Variants in PCDHA11 observed in about 807,000 individuals in gnomAD.
PCDHA11 encodes protocadherin alpha 11.
PCDHA11 carries 61 observed loss-of-function variants against 70.3 expected under a neutral mutation model. The ratio of observed to expected loss-of-function variants is 0.87; its 90% CI spans 0.71 to 1.07. The LOEUF is 1.07. Among genes scored for constraint, PCDHA11 ranks in the 50% least tolerant of loss-of-function variants. The pLI is 0.00. For synonymous variants in PCDHA11, 633 were observed against 555.1 expected, an observed-to-expected ratio of 1.14 and a Z score of -1.97; for missense variants, 1,324 against 1,237.5, an observed-to-expected ratio of 1.07 and a Z score of -1.05.
Position 141,009,940 on chromosome 5 carries a change from T to G in PCDHA11, c.*3T>G, listed in dbSNP as rs782531781. ...CGACTGACAACAGTGACCAGTGAGG[T>G]CCTCAAATGGAAACAAGCCACTTAG... On this transcript the variant is annotated 3_prime_UTR_variant, in exon 4 of 4. Transcript: ENST00000398640. 7 of 1,598,042 alleles carry G rather than the reference T, an allele frequency of 4.4e-6. No homozygotes were observed. The highest frequency in any genetic ancestry group is 4.3e-6 in the Non-Finnish European group (5 of 1,174,556).
At chr5:141,009,279 A>T (rs2098404369) in intron 3 of PCDHA11, among the ~76,000 whole-genome samples, 1 of 152,124 alleles carries the variant, frequency 6.6e-6, no homozygotes, top group Non-Finnish European at 1.5e-5. Flanking sequence ...ACATAGTGAG[A>T]TCCCATTTCT....
chr5:140,967,935 A>C (rs186453952), intron 1 of PCDHA11: 1 of 1,614,214 alleles, frequency 6.2e-7, no homozygotes, highest in Admixed American at 1.7e-5. Context: ...CTCAGTGTCA[A>C]TGACCAAGAC....
intron 1 of PCDHA11, among the ~76,000 whole-genome samples, chr5:140,879,619 G>C (rs1554170883): frequency 6.6e-6 from 1 of 152,182 alleles, no homozygotes; most frequent in African/African-American, 2.4e-5. Flanking sequence ...CAGGTACTTA[G>C]GTGGGTAAGT....
chr5:140,938,904 C>A (rs1254151220), intron 1 of PCDHA11, among the ~76,000 whole-genome samples: 1 of 152,070 alleles, frequency 6.6e-6, no homozygotes, highest in Admixed American at 6.5e-5. Context: ...TGCGCACACA[C>A]ACACACGCAC....
chr5:140,971,771 T>C (rs1433692038), intron 1 of PCDHA11, among the ~76,000 whole-genome samples: 1 of 152,192 alleles, frequency 6.6e-6, no homozygotes, highest in Non-Finnish European at 1.5e-5. Context: ...TCTTGAATAT[T>C]ATTCAAGATT....
Position 140,877,206 on chromosome 5 carries a change from C to A in PCDHA11, c.2391+5712C>A, listed in dbSNP as rs782807049. 10 of 1,613,650 alleles carry A rather than the reference C, an allele frequency of 6.2e-6. No homozygotes were observed. The highest frequency in any genetic ancestry group is 8.5e-6 in the Non-Finnish European group (10 of 1,179,798). On this transcript the variant is annotated intron_variant, in intron 1 of 3. Transcript: ENST00000398640. ...CTGGCAGCGCAGGAGGCGCAGTTAG[C>A]GAGTTGGTACCGCGGTCGGTGGGTG...
chr5:141,001,114 A>G (rs1456437716), intron 3 of PCDHA11, among the ~76,000 whole-genome samples: 4 of 152,062 alleles, frequency 2.6e-5, no homozygotes, highest in Non-Finnish European at 4.4e-5. Flanking sequence ...TAAGCAATCA[A>G]TAGTCCTTAA....
rs549880473 is a variant in PCDHA11, at chr5:140,972,926, T to C, written c.2392-6023T>C. Among the ~76,000 whole-genome samples the C allele has an allele frequency of 9.2e-5, 14 of 152,264 alleles. No individual in the cohort carries two copies. The East Asian group carries it at 2.7e-3, about 29-fold the overall frequency. On this transcript the variant is annotated intron_variant, in intron 1 of 3. Coordinates refer to ENST00000398640, the MANE Select transcript of PCDHA11 (RefSeq NM_018902.5). ...ATCCACCCGCCTTGGCCTCCCAAAG[T>C]GCTGGGATTACAGATGTGAGCCACC...
At chr5:140,911,151 G>A (rs2075350899) in intron 1 of PCDHA11, among the ~76,000 whole-genome samples, 1 of 152,174 alleles carries the variant, frequency 6.6e-6, no homozygotes, top group South Asian at 2.1e-4. Context: ...TTTCTCCTCA[G>A]ACAAATGTGG....
chr5:140,883,330 T>G, intron 1 of PCDHA11: 3 of 1,614,182 alleles, frequency 1.9e-6, no homozygotes, highest in Middle Eastern at 1.6e-4. Flanking sequence ...CCATCACTTC[T>G]TTGTCACTCC....
intron 1 of PCDHA11, among the ~76,000 whole-genome samples, chr5:140,963,057 A>G (rs1004095673): frequency 1.3e-5 from 2 of 152,186 alleles, no homozygotes; most frequent in African/African-American, 4.8e-5. Context: ...AAGGGTTTCT[A>G]CATTGTGAAG....
At chr5:140,884,471 G>A (rs2060197778) in intron 1 of PCDHA11, 1 of 1,613,802 alleles carries the variant, frequency 6.2e-7, no homozygotes, top group Non-Finnish European at 8.5e-7. Flanking sequence ...GTGCGCGCCG[G>A]GCAAGCCCAC....
At chr5:140,918,302 G>A (rs1382712359) in intron 1 of PCDHA11, among the ~76,000 whole-genome samples, 1 of 152,048 alleles carries the variant, frequency 6.6e-6, no homozygotes, top group African/African-American at 2.4e-5. Context: ...GAGAATATAG[G>A]GTTTTCTAGG....
At position 140,967,525 on chromosome 5, in the gene PCDHA11, C is replaced by T. The variant is rs368677084; in HGVS notation, c.2392-11424C>T. The stretch of plus-strand genomic sequence containing the variant: ...TGCGTGTCCTGGACACTAACGACAA[C>T]TCTCCTGCCTTTGACCAGTCCACTT... On this transcript the variant is annotated intron_variant, in intron 1 of 3. Coordinates refer to ENST00000398640, the MANE Select transcript of PCDHA11 (RefSeq NM_018902.5). 3.7e-5 allele frequency: 59 copies of T among 1,613,048 alleles called. No individual in the cohort carries two copies. The African/African-American group carries it at 7.3e-4, about 20-fold the overall frequency.
At chr5:140,931,901 T>G (rs2087840006) in intron 1 of PCDHA11, among the ~76,000 whole-genome samples, 1 of 151,938 alleles carries the variant, frequency 6.6e-6, no homozygotes, top group South Asian at 2.1e-4. Flanking sequence ...TCAAATCATT[T>G]GAAAAGCATG....
intron 1 of PCDHA11, among the ~76,000 whole-genome samples, chr5:140,963,050 G>C (rs2095732681): frequency 2.6e-5 from 4 of 152,030 alleles, no homozygotes; most frequent in Admixed American, 2.6e-4. Flanking sequence ...AGTCTATAAG[G>C]GTTTCTACAT....
chr5:140,887,972 A>C (rs1169769147), intron 1 of PCDHA11, among the ~76,000 whole-genome samples: 1 of 152,114 alleles, frequency 6.6e-6, no homozygotes, highest in Non-Finnish European at 1.5e-5. Context: ...TCTCTTTTAA[A>C]ATTTATTTTA....
At chr5:140,897,167 C>A (rs1271791310) in intron 1 of PCDHA11, among the ~76,000 whole-genome samples, 1 of 152,140 alleles carries the variant, frequency 6.6e-6, no homozygotes, top group Non-Finnish European at 1.5e-5. Flanking sequence ...TACTGTCTAT[C>A]TCCATGGGTT....
At chr5:140,875,262 C>T (rs2055382922) in intron 1 of PCDHA11, 1 of 1,157,372 alleles carries the variant, frequency 8.6e-7, no homozygotes, top group Admixed American at 3.0e-5. Flanking sequence ...CATGATGTCG[C>T]TCTACACTCA....
Sources: allele counts gnomAD v4.1 joint callset (sites outside exome capture counted in the v4.1 genomes callset), GRCh38; gene constraint gnomAD v4.1.1; transcripts MANE v1.5; gene names NCBI Gene and HGNC (gene_info 2026-07-23, HGNC 2026-07-21).